The following ARSG variants were observed in gnomAD, a reference collection of about 807,000 sequenced individuals.
ARSG encodes the protein ASG.
ARSG carries 37 observed loss-of-function variants against 50.5 expected under a neutral mutation model. That is an observed-to-expected ratio of 0.73 (90% CI 0.56 to 0.96). ARSG has a LOEUF of 0.96. ARSG is among the 50% of genes least tolerant of loss of function. ARSG has a pLI of 0.00. For synonymous variants in ARSG, 225 were observed against 254.6 expected (o/e 0.88, Z 1.11); for missense variants, 629 against 675.3 (o/e 0.93, Z 0.76).
intron 10 of ARSG, 61 bp downstream of exon 10, chr17:68,395,254 C>A: frequency 1.3e-6 from 2 of 1,597,334 alleles, no homozygotes; most frequent in Middle Eastern, 1.7e-4. Context: ...TGCTGCCTCT[C>A]ACCTCTGTGC....
intron 5 of ARSG, among the ~76,000 whole-genome samples, chr17:68,352,652 G>A (rs1368310985): frequency 6.6e-6 from 1 of 151,984 alleles, no homozygotes; most frequent in Non-Finnish European, 1.5e-5. Flanking sequence ...TAGGATTACA[G>A]GTACCCACTA....
chr17:68,388,197 C>T (rs1300801771), intron 9 of ARSG, among the ~76,000 whole-genome samples: 1 of 152,184 alleles, frequency 6.6e-6, no homozygotes, highest in Non-Finnish European at 1.5e-5. Flanking sequence ...TTTGGCAGCA[C>T]ATGGGAAAAG....
At chr17:68,288,099 C>T (rs560677090), upstream of ARSG, among the ~76,000 whole-genome samples, 16 of 151,216 alleles carry the variant, frequency 1.1e-4, no homozygotes, top group Admixed American at 3.9e-4. Context: ...CGGGTTCAAG[C>T]GACTCTCCTG....
At chr17:68,332,001 T>C (rs933188316) in intron 2 of ARSG, among the ~76,000 whole-genome samples, 2 of 152,202 alleles carry the variant, frequency 1.3e-5, no homozygotes, top group Admixed American at 6.5e-5. Flanking sequence ...GCATTGTCAT[T>C]GATAACATCT....
In ARSG at chr17:68,331,233, G is replaced by GTTTCTTTCTTTC. The variant is rs869049629; in HGVS notation, c.219-12351_219-12340dup. Among the ~76,000 whole-genome samples, 202 of 85,032 alleles carry GTTTCTTTCTTTC rather than the reference G, an allele frequency of 2.4e-3. 2 individuals carry two copies. The highest frequency in any genetic ancestry group is 0.011 in the Middle Eastern group (2 of 182). 55.8% of individuals were successfully genotyped at this position (85,032 alleles called of 152,430 possible). A position where few individuals can be genotyped will look rare whatever the true frequency, so the allele number is the denominator to read the frequency against. The stretch of plus-strand genomic sequence containing the variant: ...TCTTTCTTTCTTTCTTTCTTTCTTT[G>GTTTCTTTCTTTC]TTTCTTTCTTTCTTTCTTTCTTTCT... On this transcript the variant is annotated intron_variant, in intron 2 of 11. Coordinates refer to ENST00000621439, the MANE Select transcript of ARSG (RefSeq NM_001267727.2).
At chr17:68,371,538 G>A (rs2079847164) in intron 8 of ARSG, among the ~76,000 whole-genome samples, 1 of 152,128 alleles carries the variant, frequency 6.6e-6, no homozygotes. Context: ...TTGCCACAAG[G>A]ACCTCACTTT....
downstream of ARSG, chr17:68,424,387 C>T (rs1007725770): frequency 1.9e-6 from 1 of 527,066 alleles, no homozygotes; most frequent in South Asian, 1.4e-5. Context: ...GCCAAATGTG[C>T]TCACTAGAGG....
At chr17:68,344,968 A>C (rs1186462333) in intron 3 of ARSG, among the ~76,000 whole-genome samples, 1 of 152,180 alleles carries the variant, frequency 6.6e-6, no homozygotes. Flanking sequence ...CGGAAGCTCA[A>C]CCTGGAGTGC....
At chr17:68,308,031 C>G (rs782345000) in intron 2 of ARSG, among the ~76,000 whole-genome samples, 1 of 152,130 alleles carries the variant, frequency 6.6e-6, no homozygotes, top group Admixed American at 6.5e-5. Flanking sequence ...GGGCTAGGTA[C>G]AGTGGCTCAT....
chr17:68,369,899 C>CGATGG (rs2079739729), intron 7 of ARSG, among the ~76,000 whole-genome samples: 1 of 152,144 alleles, frequency 6.6e-6, no homozygotes, highest in African/African-American at 2.4e-5. Flanking sequence ...AAGAGGCTCA[C>CGATGG]GATGGGACTG....
At chr17:68,371,035 G>A in intron 8 of ARSG, among the ~76,000 whole-genome samples, 1 of 152,060 alleles carries the variant, frequency 6.6e-6, no homozygotes, top group East Asian at 1.9e-4. Flanking sequence ...AAAAAGAGAG[G>A]CTAGGCCGGG....
At chr17:68,260,645 G>A (rs1348787884) in intron 1 of ARSG, among the ~76,000 whole-genome samples, 3 of 152,070 alleles carry the variant, frequency 2.0e-5, no homozygotes, top group Non-Finnish European at 4.4e-5. Context: ...GCACCACCAT[G>A]CCCCGTGTAT....
At position 68,380,502 on chromosome 17, in the gene ARSG, C is replaced by A. The variant is rs538545944; in HGVS notation, c.983-4562C>A. On this transcript the variant is annotated intron_variant, in intron 8 of 11. Coordinates refer to ENST00000621439, the MANE Select transcript of ARSG (RefSeq NM_001267727.2). ...CAGTCTGGTCTCGGACTCCTGGGCA[C>A]AAGCCATCCTCCTGTCTTGGCCTCC... Among the ~76,000 whole-genome samples the A allele has an allele frequency of 6.8e-4, 103 of 152,268 alleles. 1 individual carries two copies. The South Asian group carries it at 7.7e-3, about 11-fold the overall frequency.
chr17:68,323,870 C>T (rs1039401776), intron 2 of ARSG, among the ~76,000 whole-genome samples: 3 of 151,966 alleles, frequency 2.0e-5, no homozygotes, highest in Non-Finnish European at 2.9e-5. Flanking sequence ...GTCAGGAGTT[C>T]GAGACCAGCC....
chr17:68,276,085 TTC>T (rs1187550733), intron 1 of ARSG, among the ~76,000 whole-genome samples: 2 of 151,894 alleles, frequency 1.3e-5, no homozygotes, highest in East Asian at 1.9e-4. Context: ...CAAGATAAAT[TTC>T]TCTCTCTCTC....
At chr17:68,371,909 T>C (rs554147318) in intron 8 of ARSG, among the ~76,000 whole-genome samples, 1 of 152,304 alleles carries the variant, frequency 6.6e-6, no homozygotes, top group Admixed American at 6.5e-5. Flanking sequence ...ATGATTTTAT[T>C]ATATAAAAAT....
downstream of ARSG, chr17:68,425,849 C>T (rs2083133395): frequency 1.1e-5 from 5 of 470,014 alleles, no homozygotes; most frequent in Middle Eastern, 5.8e-4. Flanking sequence ...GATTAGTATT[C>T]GGTGACTCTA....
At chr17:68,331,879 G>A (rs150754714) in intron 2 of ARSG, among the ~76,000 whole-genome samples, 2,350 of 152,262 alleles carry the variant, frequency 0.015, 18 homozygotes, top group Middle Eastern at 0.024. Flanking sequence ...TAGGGTGTGG[G>A]TCACAGAGAT....
intron 10 of ARSG, among the ~76,000 whole-genome samples, 200 bp downstream of exon 10, chr17:68,395,393 G>C (rs910959443): frequency 1.3e-5 from 2 of 152,232 alleles, no homozygotes; most frequent in Non-Finnish European, 2.9e-5. Flanking sequence ...TTCGAGACCA[G>C]CCTGACCAAG....
Sources: allele counts gnomAD v4.1 joint callset (sites outside exome capture counted in the v4.1 genomes callset), GRCh38; gene constraint gnomAD v4.1.1; transcripts MANE v1.5; gene names NCBI Gene and HGNC (gene_info 2026-07-23, HGNC 2026-07-21).